Variants in NINL observed in about 807,000 individuals in gnomAD.
The protein encoded by NINL is ninein-like protein.
In NINL, 153 loss-of-function variants were observed where a neutral mutation model predicts 160.3. That is an observed-to-expected ratio of 0.95 (90% CI 0.84 to 1.09). NINL has a LOEUF of 1.09. Among genes scored for constraint, NINL ranks in the 50% least tolerant of loss-of-function variants. The probability of loss-of-function intolerance (pLI) is 0.00; values close to 1 mark genes in which losing one functional copy is unlikely to be tolerated. For synonymous variants in NINL, 800 were observed against 734.8 expected, an observed-to-expected ratio of 1.09 and a Z score of -1.43; for missense variants, 1,829 against 1,764.0, an observed-to-expected ratio of 1.04 and a Z score of -0.66.
At chr20:25,509,708 A>G (rs1453153898) in intron 5 of NINL, 2 of 456,644 alleles carry the variant, frequency 4.4e-6, no homozygotes, top group African/African-American at 2.0e-5. Flanking sequence ...TGCAGGCATC[A>G]TGTAAGTCAG....
At chr20:25,493,863 C>T (rs534741297) in intron 10 of NINL, among the ~76,000 whole-genome samples, 1 of 152,232 alleles carries the variant, frequency 6.6e-6, no homozygotes, top group East Asian at 1.9e-4. Context: ...GGCAAGGGCC[C>T]CAGCCACTGC....
chr20:25,463,753 T>C (rs1412447739), intron 19 of NINL, among the ~76,000 whole-genome samples: 2 of 152,236 alleles, frequency 1.3e-5, no homozygotes, highest in African/African-American at 4.8e-5. Context: ...TTTGCTTCTA[T>C]AGGTTTTACA....
chr20:25,563,685 A>G (rs1024670088), intron 1 of NINL, among the ~76,000 whole-genome samples: 1 of 152,244 alleles, frequency 6.6e-6, no homozygotes. Context: ...AGGATGGAGA[A>G]AATACACCAT....
intron 15 of NINL, among the ~76,000 whole-genome samples, chr20:25,479,571 C>T (rs2146555217): frequency 6.6e-6 from 1 of 152,320 alleles, no homozygotes; most frequent in South Asian, 2.1e-4. Context: ...TACCATTCAA[C>T]TATGGGTGGG....
At chr20:25,478,276 G>T (rs2063310814) in intron 16 of NINL, among the ~76,000 whole-genome samples, 1 of 152,140 alleles carries the variant, frequency 6.6e-6, no homozygotes, top group Non-Finnish European at 1.5e-5. Context: ...CAGGCTGGGG[G>T]TGGCCTGGCC....
At position 25,498,300 on chromosome 20, in the gene NINL, G is replaced by C; in HGVS notation, c.1079C>G (p.Thr360Ser). 6.2e-7 allele frequency: 1 copy of C among 1,613,354 alleles called. No individual in the cohort carries two copies. Among genetic ancestry groups the C allele is most frequent in the Non-Finnish European group, 8.5e-7 (1 of 1,180,028 alleles). ...CATGAGCTCGTTGTCAAGGGCCCAGGTCAGCTCCAGAAGGTTCACCTTCTC... is the reference window on the plus strand; with the variant it reads ...CATGAGCTCGTTGTCAAGGGCCCAGCTCAGCTCCAGAAGGTTCACCTTCTC... ...VDEKVNLLEL[T>S]WALDNELMTV... Residue 360 changes from threonine (T) to serine (S), a missense_variant, in exon 9 of 24, where the codon ACC (threonine) becomes AGC (serine). By Grantham distance (58) the Thr-to-Ser change is moderately conservative (BLOSUM62 1). Transcript: ENST00000278886.
chr20:25,552,312 C>T (rs868355443), intron 1 of NINL, among the ~76,000 whole-genome samples: 28 of 152,052 alleles, frequency 1.8e-4, no homozygotes, highest in Middle Eastern at 3.4e-3. Context: ...GGTGGGAGGA[C>T]CACTTGAGCC....
chr20:25,544,442 T>G lies in NINL; in HGVS notation c.-11-17844A>C, dbSNP rs138228739. Among the ~76,000 whole-genome samples, 585 of 152,286 alleles carry G rather than the reference T, an allele frequency of 3.8e-3. 3 individuals carry two copies. Among genetic ancestry groups the G allele is most frequent in the Non-Finnish European group, 5.3e-3 (360 of 68,020 alleles). On this transcript the variant is annotated intron_variant, in intron 1 of 23. Transcript: ENST00000278886. ...AGGAATGAGCAGGATGCAGACAGATTAAAGAACACATTTGCACGTGACCTG... is the reference window on the plus strand; with the variant it reads ...AGGAATGAGCAGGATGCAGACAGATGAAAGAACACATTTGCACGTGACCTG...
intron 13 of NINL, among the ~76,000 whole-genome samples, chr20:25,484,577 G>C (rs1208158890): frequency 6.6e-6 from 1 of 152,162 alleles, no homozygotes; most frequent in Non-Finnish European, 1.5e-5. Flanking sequence ...CACAATTTGG[G>C]CACGAAAATA....
chr20:25,547,974 A>G (rs544547503), intron 1 of NINL, among the ~76,000 whole-genome samples: 5 of 152,374 alleles, frequency 3.3e-5, no homozygotes, highest in South Asian at 2.1e-4. Context: ...GCTCAACAGT[A>G]TAAGTAATTA....
chr20:25,527,347 T>C (rs2064378727), intron 1 of NINL, among the ~76,000 whole-genome samples: 1 of 152,048 alleles, frequency 6.6e-6, no homozygotes, highest in African/African-American at 2.4e-5. Flanking sequence ...AGAGACGAGG[T>C]TTCACCATGT....
intron 1 of NINL, among the ~76,000 whole-genome samples, chr20:25,567,698 A>G (rs1205500217): frequency 2.0e-5 from 3 of 152,158 alleles, no homozygotes; most frequent in African/African-American, 4.8e-5. Context: ...ACATATATCA[A>G]TACATTTAAA....
chr20:25,462,637 T>C (rs901452410), intron 19 of NINL, 96 bp from the exon 20 acceptor site: 4 of 1,073,364 alleles, frequency 3.7e-6, no homozygotes, highest in African/African-American at 1.7e-5. Flanking sequence ...TTTTATTAAG[T>C]AGTCATTTGT....
At chr20:25,560,026 GGGTTCA>G (rs1351389533) in intron 1 of NINL, among the ~76,000 whole-genome samples, 1 of 152,150 alleles carries the variant, frequency 6.6e-6, no homozygotes, top group Non-Finnish European at 1.5e-5. Context: ...TTAACCTCCT[GGGTTCA>G]AGCGATCTTC....
chr20:25,566,111 T>C (rs6115211), intron 1 of NINL, among the ~76,000 whole-genome samples: 17,105 of 151,998 alleles, frequency 0.11, 1,058 homozygotes, highest in African/African-American at 0.15. Context: ...TCCTAACACA[T>C]CCCCTCTCAC....
chr20:25,565,046 G>C (rs2064985017), intron 1 of NINL, among the ~76,000 whole-genome samples: 1 of 152,076 alleles, frequency 6.6e-6, no homozygotes, highest in African/African-American at 2.4e-5. Context: ...TCAGGGTAGG[G>C]GCAGGAAGTG....
chr20:25,480,988 G>A (rs1482951800), intron 14 of NINL, among the ~76,000 whole-genome samples: 1 of 152,152 alleles, frequency 6.6e-6, no homozygotes, highest in East Asian at 1.9e-4. Flanking sequence ...GGCGCCTCAG[G>A]AGCCTGACTC....
intron 5 of NINL, among the ~76,000 whole-genome samples, chr20:25,507,199 A>G (rs1200113362): frequency 1.1e-4 from 16 of 151,074 alleles, no homozygotes; most frequent in Admixed American, 1.1e-3. Flanking sequence ...CATCCTTAAC[A>G]TTTCCTGAAA....
chr20:25,549,055 C>G (rs1396180875), intron 1 of NINL, among the ~76,000 whole-genome samples: 16 of 96,392 alleles, frequency 1.7e-4, no homozygotes, highest in East Asian at 3.4e-4. Flanking sequence ...CTCACCCAGG[C>G]CTGACCCCGG....
Sources: allele counts gnomAD v4.1 joint callset (sites outside exome capture counted in the v4.1 genomes callset), GRCh38; gene constraint gnomAD v4.1.1; transcripts MANE v1.5; gene names NCBI Gene and HGNC (gene_info 2026-07-23, HGNC 2026-07-21).